CRYGA: variants seen among roughly 807,000 people sequenced by gnomAD.
CRYGA encodes crystallin gamma A, also known as gamma-crystallin A.
In CRYGA, 11 loss-of-function variants were observed where a neutral mutation model predicts 13.8. That is an observed-to-expected ratio of 0.80 (90% CI 0.50 to 1.32). The LOEUF (loss-of-function observed/expected upper bound fraction) is 1.32. Among genes scored for constraint, CRYGA ranks in the 40% most tolerant of loss-of-function variants. The probability of loss-of-function intolerance (pLI) is 0.00; values close to 1 mark genes in which losing one functional copy is unlikely to be tolerated. For missense variants in CRYGA, 271 were observed against 234.1 expected (o/e 1.16, Z -1.03); for synonymous variants, 97 against 89.3 (o/e 1.09, Z -0.48).
At chr2:208,161,305 T>A (rs2105881745) in intron 2 of CRYGA, among the ~76,000 whole-genome samples, 1 of 150,252 alleles carries the variant, frequency 6.7e-6, no homozygotes, top group East Asian at 2.2e-4. Context: ...CCCAAGTAGC[T>A]GGGATCACAG....
intron 2 of CRYGA, 124 bp from the exon 3 acceptor site, chr2:208,161,200 T>G (rs1183166146): frequency 3.1e-6 from 3 of 960,838 alleles, no homozygotes; most frequent in Non-Finnish European, 4.5e-6. Flanking sequence ...GAGATAAAGG[T>G]CTTGCTGTGT....
At position 208,161,075 on chromosome 2, in the gene CRYGA, G is replaced by A; in HGVS notation, c.254C>T (p.Thr85Ile). 1 of 1,613,678 alleles carries A rather than the reference G, an allele frequency of 6.2e-7. No homozygotes were observed. Among genetic ancestry groups the A allele is most frequent in the Non-Finnish European group, 8.5e-7 (1 of 1,179,644 alleles). ...SVQSCRIIPH[T>I]SSHKLRLYER... ...GTACAGCCTTAACTTGTGCGAGCTG[G>A]TCTGTCATGGCAATAAACAAAAGAA... The change falls in exon 3 of 3, where the codon ACC (threonine) becomes ATC (isoleucine). Residue 85 changes from threonine to isoleucine, a missense_variant and splice_region_variant. Transcript: ENST00000304502.
chr2:208,162,499 A>G (rs879837425), intron 2 of CRYGA, among the ~76,000 whole-genome samples: 6 of 152,232 alleles, frequency 3.9e-5, no homozygotes, highest in Admixed American at 3.3e-4. Flanking sequence ...AAAATTTCCA[A>G]TGCAGTCAGA....
chr2:208,163,517 T>A, intron 1 of CRYGA, 31 bp downstream of exon 1: 2 of 1,610,824 alleles, frequency 1.2e-6, no homozygotes, highest in Non-Finnish European at 1.7e-6. Flanking sequence ...AGACCCCCAA[T>A]AGACATGGCA....
Position 208,163,165 on chromosome 2 carries a change from T to C in CRYGA, c.252+39A>G, listed in dbSNP as rs370025596. On this transcript the variant is annotated intron_variant, in intron 2 of 2. Transcript: ENST00000304502. ...AACAGGAATTGATGGCCATGGATCA[T>C]TGATGCTTTCACATCAGTCAAGTTG... 47 of 1,550,424 alleles carry C rather than the reference T, an allele frequency of 3.0e-5. 1 individual carries two copies. The highest frequency in any genetic ancestry group is 1.5e-4 in the South Asian group (13 of 89,382).
chr2:208,161,065 G>C lies in CRYGA; in HGVS notation c.264C>G (p.His88Gln), dbSNP rs771441739. Reference protein sequence around the residue: ...SCRIIPHTSSHKLRLYERDDY... With the variant: ...SCRIIPHTSSQKLRLYERDDY... Reference sequence around the variant, plus strand: ...CATCTCTCTCGTACAGCCTTAACTTGTGCGAGCTGGTCTGTCATGGCAATA... The same window carrying C: ...CATCTCTCTCGTACAGCCTTAACTTCTGCGAGCTGGTCTGTCATGGCAATA... The change falls in exon 3 of 3, where the codon CAC becomes CAG. Residue 88 changes from histidine to glutamine, a missense_variant. Transcript: ENST00000304502. The C allele has an allele frequency of 6.8e-6, 11 of 1,613,720 alleles. No individual in the cohort carries two copies.
Position 208,163,144 on chromosome 2 carries a change from G to A in CRYGA, c.252+60C>T, listed in dbSNP as rs1484566776. 2.1e-6 allele frequency: 3 copies of A among 1,456,280 alleles called. No individual in the cohort carries two copies. In the Admixed American group the frequency reaches 5.2e-5, roughly 25 times the overall value. The allele number at this position is 1,456,280 out of a possible 1,614,324, so 90.2% of individuals were successfully genotyped here. On this transcript the variant is annotated intron_variant, in intron 2 of 2. Coordinates refer to ENST00000304502, the MANE Select transcript of CRYGA (RefSeq NM_014617.4). The stretch of plus-strand genomic sequence containing the variant: ...TGGAACAAACTGACTTTTATAAACA[G>A]GAATTGATGGCCATGGATCATTGAT...
At chr2:208,162,837 TTC>T (rs1163040911) in intron 2 of CRYGA, among the ~76,000 whole-genome samples, 4 of 145,010 alleles carry the variant, frequency 2.8e-5, no homozygotes, top group South Asian at 2.2e-4. Flanking sequence ...GAAAGCGAAG[TTC>T]TGTCTCAAAA....
chr2:208,162,485 G>GA (rs1272691724), intron 2 of CRYGA, among the ~76,000 whole-genome samples: 1 of 152,226 alleles, frequency 6.6e-6, no homozygotes, highest in African/African-American at 2.4e-5. Flanking sequence ...AGAATGTAGT[G>GA]AAAAAAATTT....
rs1430852017 is a variant in CRYGA, at chr2:208,163,278, G to A, written c.178C>T (p.Arg60Ter). 2 of 1,614,016 alleles carry A rather than the reference G, an allele frequency of 1.2e-6. No individual in the cohort carries two copies. Among genetic ancestry groups the A allele is most frequent in the Non-Finnish European group, 8.5e-7 (1 of 1,180,012 alleles). The change falls in exon 2 of 3, where the codon CGA (arginine) becomes TGA (stop). Residue 60 changes from arginine (R) to a stop codon, truncating the protein, a stop_gained. Transcript: ENST00000304502. LOFTEE classifies it high-confidence loss of function. ...NYQGHQYFLR[R>*]GKYPDYQHWM... Reference sequence around the variant, plus strand: ...TGCTGATAGTCGGGGTACTTGCCTCGGCGCAGGAAGTACTGGTGGCCCTGG... The same window carrying A: ...TGCTGATAGTCGGGGTACTTGCCTCAGCGCAGGAAGTACTGGTGGCCCTGG...
At chr2:208,162,410 A>G (rs772347377) in intron 2 of CRYGA, among the ~76,000 whole-genome samples, 1 of 152,230 alleles carries the variant, frequency 6.6e-6, no homozygotes, top group Non-Finnish European at 1.5e-5. Flanking sequence ...CTAGTTGATA[A>G]TGACTCCTGG....
intron 2 of CRYGA, among the ~76,000 whole-genome samples, chr2:208,161,675 G>C (rs772382292): frequency 6.6e-6 from 1 of 152,184 alleles, no homozygotes; most frequent in Non-Finnish European, 1.5e-5. Flanking sequence ...CAATACAATT[G>C]TAGTCAGTGA....
At position 208,163,388 on chromosome 2, in the gene CRYGA, C is replaced by T. The variant is rs774360381; in HGVS notation, c.68G>A (p.Cys23Tyr). 1.2e-6 allele frequency: 2 copies of T among 1,613,878 alleles called. No homozygotes were observed. Among genetic ancestry groups the T allele is most frequent in the East Asian group, 2.2e-5 (1 of 44,872 alleles). The change falls in exon 2 of 3, where the codon TGC (cysteine) becomes TAC (tyrosine). Residue 23 changes from cysteine to tyrosine, a missense_variant. Transcript: ENST00000304502. ...QGRCYNCISD[C>Y]PNLRVYFSRC... ...GCTGAAGTAGACCCGCAGGTTGGGG[C>T]AGTCACTGATGCAATTGTAGCAGCG...
chr2:208,160,812 A>T lies in CRYGA; in HGVS notation c.517T>A (p.Leu173Met). 6.2e-7 allele frequency: 1 copy of T among 1,604,602 alleles called. No homozygotes were observed. Among genetic ancestry groups the T allele is most frequent in the South Asian group, 1.1e-5 (1 of 90,782 alleles). The change falls in exon 3 of 3, where the codon TTG (leucine) becomes ATG (methionine). Residue 173 changes from leucine to methionine, a missense_variant. Transcript: ENST00000304502. ...AACAAGGCAGGCACAGCTTAGTACA[A>T]ATCGGTGACCCGTCTCAAAGAGCCG... Reference protein sequence around the residue: ...KVGSLRRVTDLY With the variant: ...KVGSLRRVTDMY
At position 208,161,093 on chromosome 2, in the gene CRYGA, CAAAA is replaced by C. The variant is rs767523537; in HGVS notation, c.253-21_253-18del. The C allele has an allele frequency of 4.4e-6, 7 of 1,608,124 alleles. No homozygotes were observed. The Admixed American group carries it at 8.4e-5, about 19-fold the overall frequency. Reference sequence around the variant, plus strand: ...CGAGCTGGTCTGTCATGGCAATAAACAAAAGAACAAAAATAAACAGCATGCATCC... The same window carrying C: ...CGAGCTGGTCTGTCATGGCAATAAACGAACAAAAATAAACAGCATGCATCC... On this transcript the variant is annotated intron_variant, in intron 2 of 2. Coordinates refer to ENST00000304502, the MANE Select transcript of CRYGA (RefSeq NM_014617.4).
rs1259110261 is a variant in CRYGA, at chr2:208,163,325, A to G, written c.131T>C (p.Met44Thr). ...NSIRVDSGCW[M>T]LYERPNYQGH... ...CTGGTAATTGGGACGCTCATAGAGC[A>G]TCCAGCAGCCGCTGTCTACTCGGAT... The change falls in exon 2 of 3, where the codon ATG (methionine) becomes ACG (threonine). Residue 44 changes from methionine to threonine, a missense_variant. Met to Thr is a moderately conservative substitution (Grantham distance 81). Transcript: ENST00000304502. The G allele has an allele frequency of 2.5e-6, 4 of 1,614,086 alleles. No homozygotes were observed. In the South Asian group the frequency reaches 4.4e-5, roughly 18 times the overall value.
chr2:208,161,207 G>T, intron 2 of CRYGA, 131 bp from the exon 3 acceptor site: 2 of 909,778 alleles, frequency 2.2e-6, no homozygotes, highest in Non-Finnish European at 3.3e-6. Flanking sequence ...AGGTCTTGCT[G>T]TGTTGCCCAG....
chr2:208,160,887 G>A lies in CRYGA; in HGVS notation c.442C>T (p.Pro148Ser). The change falls in exon 3 of 3, where the codon CCT becomes TCT. Residue 148 changes from proline (P) to serine (S), a missense_variant. Transcript: ENST00000304502. ...TCGTGGTACCTTCTGTAGTCCCCAG[G>A]CCTCAGCAGATACTGCCGCCCCCGG... is the stretch of plus-strand genomic sequence containing the variant. ...NYRGRQYLLRPGDYRRYHDWG... is the reference protein window; with the variant it reads ...NYRGRQYLLRSGDYRRYHDWG... 5.0e-6 allele frequency: 8 copies of A among 1,612,496 alleles called. No individual in the cohort carries two copies. Among genetic ancestry groups the A allele is most frequent in the Non-Finnish European group, 5.9e-6 (7 of 1,178,650 alleles).
rs560771595 is a variant in CRYGA, at chr2:208,163,435, G to T, written c.21C>A (p.Tyr7Ter). Residue 7 changes from tyrosine (Y) to a stop codon, truncating the protein, a stop_gained, in exon 2 of 3, where the codon TAC becomes TAA. Coordinates refer to ENST00000304502, the MANE Select transcript of CRYGA (RefSeq NM_014617.4). LOFTEE classifies it high-confidence loss of function. MGKITF[Y>*]EDRDFQGRCY... ...AGCGACCCTGAAAGTCTCGGTCCTC[G>T]TAGAAGGTGATCTGAGGTAGAAATA... 3 of 1,613,592 alleles carry T rather than the reference G, an allele frequency of 1.9e-6. No individual in the cohort carries two copies. The highest frequency in any genetic ancestry group is 2.2e-5 in the East Asian group (1 of 44,848).
Sources: gnomAD v4.1 joint callset for allele counts (sites outside exome capture counted in the v4.1 genomes callset) on GRCh38, gnomAD v4.1.1 for gene constraint, MANE v1.5 for transcripts, NCBI Gene and HGNC (gene_info 2026-07-23, HGNC 2026-07-21) for gene names.